The following NCKAP5 variants were observed in gnomAD, a reference collection of about 807,000 sequenced individuals.
NCKAP5 encodes the protein NCK associated protein 5.
Under a neutral mutation model 167.0 loss-of-function variants are expected in NCKAP5, and 92 were observed. That is an observed-to-expected ratio of 0.55 (90% CI 0.47 to 0.66). The LOEUF (loss-of-function observed/expected upper bound fraction) is 0.66. Among genes scored for constraint, NCKAP5 ranks in the 30% least tolerant of loss-of-function variants. NCKAP5 has a pLI of 0.00. For missense variants in NCKAP5, 2,378 were observed against 2,315.0 expected (o/e 1.03, Z -0.56); for synonymous variants, 891 against 877.4 (o/e 1.02, Z -0.27).
the NCKAP5 span, among the ~76,000 whole-genome samples, chr2:133,605,788 C>T: frequency 2.0e-5 from 3 of 152,090 alleles, no homozygotes; most frequent in African/African-American, 7.2e-5. Context: ...ACAAATGTAT[C>T]CCTGCTTTTT....
intron 1 of NCKAP5, among the ~76,000 whole-genome samples, chr2:133,563,854 T>C (rs1688356256): frequency 6.6e-6 from 1 of 151,826 alleles, no homozygotes; most frequent in African/African-American, 2.4e-5. Flanking sequence ...CACTGTGGGG[T>C]TGAGTGCAGT....
chr2:133,106,203 C>G (rs6731752), intron 6 of NCKAP5, among the ~76,000 whole-genome samples: 5,601 of 113,064 alleles, frequency 0.05, 181 homozygotes, highest in East Asian at 0.19. Context: ...TGAGGAAGGA[C>G]AATGGTGTGA....
At chr2:133,604,362 C>T in the NCKAP5 span, among the ~76,000 whole-genome samples, 18 of 152,114 alleles carry the variant, frequency 1.2e-4, no homozygotes, top group African/African-American at 2.7e-4. Context: ...CATGCCACCA[C>T]GCCTGGCTAA....
chr2:133,445,520 C>T (rs1237362330), intron 3 of NCKAP5, among the ~76,000 whole-genome samples: 1 of 152,178 alleles, frequency 6.6e-6, no homozygotes, highest in Non-Finnish European at 1.5e-5. Context: ...TGACTTCAAA[C>T]TCTAAATCCT....
At chr2:133,264,911 C>G (rs551001723) in intron 4 of NCKAP5, 1 of 152,130 alleles carries the variant, frequency 6.6e-6, no homozygotes, top group Non-Finnish European at 1.5e-5. Flanking sequence ...AAAAAACAAA[C>G]AAAACCCCCA....
At chr2:132,858,460 T>C (rs1179367615) in intron 11 of NCKAP5, among the ~76,000 whole-genome samples, 1 of 152,222 alleles carries the variant, frequency 6.6e-6, no homozygotes, top group Non-Finnish European at 1.5e-5. Context: ...ATGATTGTAT[T>C]TTAGCTCCAC....
At chr2:132,794,009 A>T (rs1226527064) in intron 12 of NCKAP5, among the ~76,000 whole-genome samples, 3 of 151,566 alleles carry the variant, frequency 2.0e-5, no homozygotes, top group African/African-American at 7.3e-5. Context: ...CTCCAAGGCC[A>T]TTTATGAGGT....
At chr2:132,886,623 T>A (rs910466322) in intron 8 of NCKAP5, among the ~76,000 whole-genome samples, 1 of 152,242 alleles carries the variant, frequency 6.6e-6, no homozygotes, top group Non-Finnish European at 1.5e-5. Flanking sequence ...TCTTGATACT[T>A]TTCAAAAGTA....
At chr2:132,754,129 G>C (rs1274948982) in intron 16 of NCKAP5, among the ~76,000 whole-genome samples, 1 of 152,148 alleles carries the variant, frequency 6.6e-6, no homozygotes, top group Non-Finnish European at 1.5e-5. Context: ...CAGCTTTTGA[G>C]CAAGATATTC....
At chr2:133,129,669 G>T (rs1176975872) in intron 6 of NCKAP5, among the ~76,000 whole-genome samples, 1 of 152,156 alleles carries the variant, frequency 6.6e-6, no homozygotes, top group Non-Finnish European at 1.5e-5. Context: ...AGGAATTTTG[G>T]CTGGCCTTTT....
chr2:133,360,798 C>T (rs1314201664), intron 3 of NCKAP5, among the ~76,000 whole-genome samples: 2 of 151,894 alleles, frequency 1.3e-5, no homozygotes, highest in Non-Finnish European at 1.5e-5. Flanking sequence ...AATAGGAGAA[C>T]ACTTTTGTAA....
intron 5 of NCKAP5, among the ~76,000 whole-genome samples, chr2:133,139,612 A>G (rs1326064452): frequency 6.6e-6 from 1 of 152,180 alleles, no homozygotes; most frequent in East Asian, 1.9e-4. Flanking sequence ...GTAGATTTTG[A>G]GGAGAATGAC....
chr2:133,492,566 T>C (rs964784016), intron 3 of NCKAP5, among the ~76,000 whole-genome samples: 5 of 152,190 alleles, frequency 3.3e-5, no homozygotes, highest in Non-Finnish European at 7.3e-5. Flanking sequence ...CTAGGTTCTG[T>C]CTCTAACTAG....
intron 3 of NCKAP5, among the ~76,000 whole-genome samples, chr2:133,338,640 T>G (rs1384310115): frequency 6.6e-6 from 1 of 152,208 alleles, no homozygotes; most frequent in Non-Finnish European, 1.5e-5. Context: ...TACCAAGTGT[T>G]TTCTGTTTTA....
At chr2:133,376,796 A>C (rs1298507658) in intron 3 of NCKAP5, among the ~76,000 whole-genome samples, 2 of 152,180 alleles carry the variant, frequency 1.3e-5, no homozygotes, top group Admixed American at 1.3e-4. Flanking sequence ...AGAATAACAC[A>C]ATTGTTAGGA....
the NCKAP5 span, among the ~76,000 whole-genome samples, chr2:133,631,642 A>C: frequency 6.6e-6 from 1 of 152,184 alleles, no homozygotes; most frequent in Non-Finnish European, 1.5e-5. Flanking sequence ...ATTAAGGTCT[A>C]TGTTGAGTTT....
chr2:132,817,459 C>A (rs185079708), intron 11 of NCKAP5, among the ~76,000 whole-genome samples: 22 of 152,126 alleles, frequency 1.4e-4, no homozygotes, highest in Admixed American at 4.6e-4. Flanking sequence ...AAAAAAAATT[C>A]CTGGTTTTAA....
At chr2:132,883,943 GA>G (rs1692000557) in intron 8 of NCKAP5, among the ~76,000 whole-genome samples, 1 of 152,194 alleles carries the variant, frequency 6.6e-6, no homozygotes, top group African/African-American at 2.4e-5. Flanking sequence ...GATTGAACCA[GA>G]ATAGGGCACA....
chr2:132,935,652 C>T (rs1312596422), intron 8 of NCKAP5, among the ~76,000 whole-genome samples: 1 of 151,908 alleles, frequency 6.6e-6, no homozygotes, highest in African/African-American at 2.4e-5. Flanking sequence ...ACTTTACTGA[C>T]CCTTCTGGAA....
Sources: allele counts gnomAD v4.1 joint callset (sites outside exome capture counted in the v4.1 genomes callset), GRCh38; gene constraint gnomAD v4.1.1; transcripts MANE v1.5; gene names NCBI Gene and HGNC (gene_info 2026-07-23, HGNC 2026-07-21).